The following DCC variants were observed in gnomAD, a reference collection of about 807,000 sequenced individuals.
DCC encodes the protein DCC netrin 1 receptor, also known as netrin receptor DCC.
DCC carries 58 observed loss-of-function variants against 172.5 expected under a neutral mutation model. The ratio of observed to expected loss-of-function variants is 0.34; its 90% CI spans 0.27 to 0.42. DCC has a LOEUF of 0.42. Ranked by LOEUF, DCC falls within the 10% of genes least tolerant of loss-of-function variation. DCC has a pLI of 1.00. For missense variants in DCC, 1,740 were observed against 1,791.0 expected (o/e 0.97, Z 0.51); for synonymous variants, 709 against 644.5 (o/e 1.10, Z -1.52).
At chr18:52,589,127 A>G (rs1328491058) in intron 1 of DCC, among the ~76,000 whole-genome samples, 1 of 152,220 alleles carries the variant, frequency 6.6e-6, no homozygotes, top group African/African-American at 2.4e-5. Flanking sequence ...GTGACTGATG[A>G]ATCATATGTG....
chr18:53,152,414 AAATT>A (rs1316045208), intron 7 of DCC, among the ~76,000 whole-genome samples: 1 of 152,150 alleles, frequency 6.6e-6, no homozygotes, highest in Admixed American at 6.5e-5. Context: ...TTTATTTAAA[AAATT>A]AATCCAATAG....
chr18:52,457,461 A>G (rs757380497), intron 1 of DCC, among the ~76,000 whole-genome samples: 3 of 152,230 alleles, frequency 2.0e-5, no homozygotes, highest in Non-Finnish European at 2.9e-5. Context: ...GGGGTCACCA[A>G]CACAGTGATG....
At chr18:52,621,460 A>G (rs1471282794) in intron 1 of DCC, among the ~76,000 whole-genome samples, 1 of 152,130 alleles carries the variant, frequency 6.6e-6, no homozygotes, top group African/African-American at 2.4e-5. Context: ...GCCTTTCTCC[A>G]CTGCCTTATT....
chr18:52,812,527 A>G (rs2038221343), intron 2 of DCC, among the ~76,000 whole-genome samples: 1 of 152,242 alleles, frequency 6.6e-6, no homozygotes, highest in Non-Finnish European at 1.5e-5. Context: ...AGGCCAGAGA[A>G]GAGAACTTGG....
intron 2 of DCC, among the ~76,000 whole-genome samples, chr18:52,805,017 T>C (rs1598820174): frequency 6.6e-6 from 1 of 152,240 alleles, no homozygotes; most frequent in East Asian, 1.9e-4. Flanking sequence ...CCTCTGCCAC[T>C]AAATGTGTAA....
intron 2 of DCC, among the ~76,000 whole-genome samples, chr18:52,861,877 A>C (rs1030404076): frequency 1.1e-4 from 17 of 152,176 alleles, no homozygotes; most frequent in Non-Finnish European, 2.4e-4. Flanking sequence ...TTGAAGAAGC[A>C]AATTTTGGAC....
At chr18:52,868,855 C>T (rs537525495) in intron 2 of DCC, among the ~76,000 whole-genome samples, 9 of 152,212 alleles carry the variant, frequency 5.9e-5, no homozygotes, top group Non-Finnish European at 1.2e-4. Context: ...CAGTCAGACA[C>T]ACCAGCTGCT....
intron 12 of DCC, among the ~76,000 whole-genome samples, chr18:53,233,523 G>T (rs927396833): frequency 6.6e-6 from 1 of 151,858 alleles, no homozygotes; most frequent in Non-Finnish European, 1.5e-5. Context: ...ATTTCCTGCG[G>T]TTTCAAGGTC....
chr18:53,388,523 C>G (rs1309043803), intron 16 of DCC, among the ~76,000 whole-genome samples: 5 of 152,202 alleles, frequency 3.3e-5, no homozygotes, highest in Non-Finnish European at 7.3e-5. Flanking sequence ...TGTTGGTGAG[C>G]TCTGGAGCCT....
intron 27 of DCC, among the ~76,000 whole-genome samples, chr18:53,506,718 C>A (rs2046181992): frequency 6.6e-6 from 1 of 151,998 alleles, no homozygotes; most frequent in Non-Finnish European, 1.5e-5. Flanking sequence ...ATTAGCCGGG[C>A]ATGGTGTCAT....
chr18:53,459,484 G>A (rs781471281), intron 24 of DCC, 26 bp downstream of exon 24: 3 of 1,432,782 alleles, frequency 2.1e-6, no homozygotes, highest in South Asian at 2.3e-5. Context: ...CTGGCATTAG[G>A]GAAAACATAC....
chr18:52,813,607 TAC>T (rs778061651), intron 2 of DCC, among the ~76,000 whole-genome samples: 2 of 141,462 alleles, frequency 1.4e-5, no homozygotes, highest in Non-Finnish European at 3.2e-5. Flanking sequence ...GTTTGACTGG[TAC>T]ACAGTGTGCC....
At chr18:52,875,684 A>T (rs2039393166) in intron 2 of DCC, among the ~76,000 whole-genome samples, 1 of 152,212 alleles carries the variant, frequency 6.6e-6, no homozygotes, top group African/African-American at 2.4e-5. Context: ...CAGCCCTCAT[A>T]AACCCTGGGA....
At chr18:53,180,683 G>C (rs12454147) in intron 9 of DCC, among the ~76,000 whole-genome samples, 10 of 151,592 alleles carry the variant, frequency 6.6e-5, no homozygotes, top group African/African-American at 2.4e-4. Context: ...TTTATTTTTG[G>C]GACGGAGTCT....
At position 53,103,119 on chromosome 18, in the gene DCC, C is replaced by A. The variant is rs539386252; in HGVS notation, c.1261+36953C>A. ...TCATTCAGTGATTTCTTATTGAGCA[C>A]TACCCTAGGATATATCACCATGCAA... On this transcript the variant is annotated intron_variant, in intron 7 of 28. Transcript: ENST00000442544. 1.2e-4 allele frequency among the ~76,000 whole-genome samples: 18 copies of A among 152,156 alleles called. 1 individual carries two copies. In the South Asian group the frequency reaches 3.7e-3, roughly 32 times the overall value.
intron 5 of DCC, among the ~76,000 whole-genome samples, chr18:53,013,994 G>A (rs67744445): frequency 0.049 from 7,523 of 152,114 alleles, 325 homozygotes; most frequent in East Asian, 0.21. Flanking sequence ...GTTCCTCATG[G>A]CAATATTAAT....
intron 27 of DCC, among the ~76,000 whole-genome samples, chr18:53,519,849 A>G (rs1235821149): frequency 2.0e-5 from 3 of 152,122 alleles, no homozygotes; most frequent in Non-Finnish European, 4.4e-5. Flanking sequence ...ATTTCTTAAC[A>G]TTAAAGAACA....
intron 1 of DCC, among the ~76,000 whole-genome samples, chr18:52,628,469 A>C (rs1411225461): frequency 1.3e-5 from 2 of 152,246 alleles, no homozygotes; most frequent in Non-Finnish European, 2.9e-5. Context: ...GCTGGCTGCA[A>C]ATATGTGCCT....
At chr18:53,456,794 C>G (rs2045488538) in intron 23 of DCC, among the ~76,000 whole-genome samples, 1 of 152,172 alleles carries the variant, frequency 6.6e-6, no homozygotes, top group African/African-American at 2.4e-5. Flanking sequence ...GACACAGGAA[C>G]CGTGGGCTGC....
Sources: gnomAD v4.1 joint callset for allele counts (sites outside exome capture counted in the v4.1 genomes callset) on GRCh38, gnomAD v4.1.1 for gene constraint, MANE v1.5 for transcripts, NCBI Gene and HGNC (gene_info 2026-07-23, HGNC 2026-07-21) for gene names.